BMP6: variants seen among roughly 807,000 people sequenced by gnomAD.
BMP6 encodes VG-1-R.
Under a neutral mutation model 54.1 loss-of-function variants are expected in BMP6, and 17 were observed. The ratio of observed to expected loss-of-function variants is 0.31; its 90% CI spans 0.22 to 0.47. The LOEUF (loss-of-function observed/expected upper bound fraction) is 0.47. Among genes scored for constraint, BMP6 ranks in the 20% least tolerant of loss-of-function variants. The pLI, the probability that BMP6 is intolerant of heterozygous loss-of-function variation, is 1.00. For missense variants in BMP6, 720 were observed against 690.4 expected, an observed-to-expected ratio of 1.04 and a Z score of -0.48; for synonymous variants, 328 against 291.2, an observed-to-expected ratio of 1.13 and a Z score of -1.28.
intron 1 of BMP6, among the ~76,000 whole-genome samples, chr6:7,768,071 A>C (rs1757719558): frequency 6.6e-6 from 1 of 151,844 alleles, no homozygotes; most frequent in Non-Finnish European, 1.5e-5. Context: ...CTTCCTGGGG[A>C]GGCAAGAGCG....
At chr6:7,729,053 A>G (rs1461356341) in intron 1 of BMP6, among the ~76,000 whole-genome samples, 1 of 152,182 alleles carries the variant, frequency 6.6e-6, no homozygotes, top group Non-Finnish European at 1.5e-5. Context: ...ACAGGAGTCC[A>G]GGCTCAGGGC....
chr6:7,754,917 A>G (rs911501121), intron 1 of BMP6, among the ~76,000 whole-genome samples: 1 of 151,988 alleles, frequency 6.6e-6, no homozygotes, highest in Non-Finnish European at 1.5e-5. Context: ...ACCGGGTTTC[A>G]CCGTGTTCTC....
intron 1 of BMP6, among the ~76,000 whole-genome samples, chr6:7,757,617 C>G (rs551637916): frequency 2.0e-5 from 3 of 152,254 alleles, no homozygotes; most frequent in African/African-American, 7.2e-5. Context: ...CAACCTAGTA[C>G]CTATGGCAAC....
At chr6:7,739,041 C>G (rs963664795) in intron 1 of BMP6, among the ~76,000 whole-genome samples, 3 of 152,178 alleles carry the variant, frequency 2.0e-5, no homozygotes, top group African/African-American at 7.2e-5. Context: ...TAGGGTCAAG[C>G]CTGCTCTTGG....
intron 3 of BMP6, 132 bp downstream of exon 3, chr6:7,861,731 CCCA>C: frequency 7.5e-7 from 1 of 1,328,440 alleles, no homozygotes; most frequent in East Asian, 2.3e-5. Flanking sequence ...TTACTGATCC[CCCA>C]TGACTTGCAT....
intron 2 of BMP6, among the ~76,000 whole-genome samples, chr6:7,852,674 T>G (rs1397210406): frequency 1.3e-5 from 2 of 152,242 alleles, no homozygotes; most frequent in East Asian, 3.8e-4. Context: ...GACTCTGTAC[T>G]CGATTTTTTA....
chr6:7,768,991 C>A (rs1757741198), intron 1 of BMP6, among the ~76,000 whole-genome samples: 1 of 152,178 alleles, frequency 6.6e-6, no homozygotes, highest in South Asian at 2.1e-4. Context: ...TGATATATTG[C>A]AGTCAACTTG....
intron 1 of BMP6, among the ~76,000 whole-genome samples, chr6:7,826,321 T>C (rs1286991746): frequency 6.6e-6 from 1 of 152,202 alleles, no homozygotes; most frequent in Non-Finnish European, 1.5e-5. Flanking sequence ...CTCTGTGGCA[T>C]ACACCTTTGA....
chr6:7,777,407 C>T (rs994653407), intron 1 of BMP6, among the ~76,000 whole-genome samples: 3 of 152,186 alleles, frequency 2.0e-5, no homozygotes, highest in African/African-American at 7.2e-5. Context: ...ACAAGTAATA[C>T]ATGAATACTT....
intron 1 of BMP6, among the ~76,000 whole-genome samples, chr6:7,728,667 A>G (rs1761792893): frequency 6.6e-6 from 1 of 152,158 alleles, no homozygotes; most frequent in Non-Finnish European, 1.5e-5. Context: ...CTGTCAGCGG[A>G]CAGATCATGG....
chr6:7,807,073 G>C (rs1282648380), intron 1 of BMP6, among the ~76,000 whole-genome samples: 1 of 152,114 alleles, frequency 6.6e-6, no homozygotes, highest in South Asian at 2.1e-4. Flanking sequence ...GCTTCAGATT[G>C]TCAATTTTTC....
chr6:7,731,604 T>C (rs540214347), intron 1 of BMP6, among the ~76,000 whole-genome samples: 2 of 152,352 alleles, frequency 1.3e-5, no homozygotes, highest in Admixed American at 6.5e-5. Flanking sequence ...AAAGGCTGAA[T>C]TAGTGAACAT....
At chr6:7,774,008 G>A (rs1261187538) in intron 1 of BMP6, among the ~76,000 whole-genome samples, 1 of 152,252 alleles carries the variant, frequency 6.6e-6, no homozygotes, top group Non-Finnish European at 1.5e-5. Flanking sequence ...TTTCCAGAGA[G>A]ACGTGGTCAT....
chr6:7,880,357 G>C lies in BMP6; in HGVS notation c.*14G>C, dbSNP rs1181981519. The stretch of plus-strand genomic sequence containing the variant: ...GGATGCCACTAACTCGAAACCAGAT[G>C]CTGGGGACACACATTCTGCCTTGGA... On this transcript the variant is annotated 3_prime_UTR_variant, in exon 7 of 7. Transcript: ENST00000283147. The C allele has an allele frequency of 3.4e-5, 55 of 1,613,714 alleles. 2 individuals carry two copies. In the Admixed American group the frequency reaches 9.2e-4, roughly 27 times the overall value.
In BMP6 at chr6:7,831,824, G is replaced by A. The variant is rs267182; in HGVS notation, c.665-13316G>A. 5.8e-3 allele frequency among the ~76,000 whole-genome samples: 885 copies of A among 152,104 alleles called. 4 individuals carry two copies. Among genetic ancestry groups the A allele is most frequent in the African/African-American group, 0.02 (830 of 41,476 alleles). On this transcript the variant is annotated intron_variant, in intron 1 of 6. Coordinates refer to ENST00000283147, the MANE Select transcript of BMP6 (RefSeq NM_001718.6). ...GGGTCCTGGGGAAAGACCACTGGGG[G>A]TGGGGTCAGAAGCCTGAGTTCTGTT... is the stretch of plus-strand genomic sequence containing the variant.
At chr6:7,818,425 G>C (rs1270033037) in intron 1 of BMP6, among the ~76,000 whole-genome samples, 1 of 152,226 alleles carries the variant, frequency 6.6e-6, no homozygotes, top group East Asian at 1.9e-4. Flanking sequence ...TTCAGCACTT[G>C]TAATTCTGAT....
chr6:7,791,111 C>T (rs1294858053), intron 1 of BMP6, among the ~76,000 whole-genome samples: 1 of 152,208 alleles, frequency 6.6e-6, no homozygotes, highest in South Asian at 2.1e-4. Context: ...CCTTGACTCC[C>T]TTGCCTCTGG....
At chr6:7,745,955 C>T (rs948315214) in intron 1 of BMP6, among the ~76,000 whole-genome samples, 1 of 150,326 alleles carries the variant, frequency 6.7e-6, no homozygotes, top group African/African-American at 2.4e-5. Context: ...GTGGCAAGAG[C>T]AAAACTGTCT....
chr6:7,859,150 A>G (rs1759295762), intron 2 of BMP6, among the ~76,000 whole-genome samples: 2 of 151,670 alleles, frequency 1.3e-5, no homozygotes, highest in Non-Finnish European at 2.9e-5. Context: ...CTCCCTCTTT[A>G]ATTCATTCCT....
Sources: gnomAD v4.1 joint callset for allele counts (sites outside exome capture counted in the v4.1 genomes callset) on GRCh38, gnomAD v4.1.1 for gene constraint, MANE v1.5 for transcripts, NCBI Gene and HGNC (gene_info 2026-07-23, HGNC 2026-07-21) for gene names.